DMD: variants seen among roughly 807,000 people sequenced by gnomAD.
DMD encodes mutant dystrophin.
In DMD, 63 loss-of-function variants were observed where a neutral mutation model predicts 330.1. The observed-to-expected ratio is 0.19, with a 90% CI of 0.16 to 0.24. The LOEUF is 0.24. Ranked by LOEUF, DMD falls within the 10% of genes least tolerant of loss-of-function variation. The pLI is 1.00. For missense variants in DMD, 3,344 were observed against 2,684.1 expected (o/e 1.25, Z -5.43); for synonymous variants, 1,223 against 959.8 (o/e 1.27, Z -5.07).
chrX:31,782,402 A>T (rs186591418), intron 50 of DMD, among the ~76,000 whole-genome samples: 2 of 111,123 alleles, frequency 1.8e-5, no homozygotes, highest in African/African-American at 6.5e-5. Context: ...TAGCCTGATG[A>T]ATAATTACAG....
chrX:32,082,391 GCTATCTAT>G (rs74475298), intron 44 of DMD, among the ~76,000 whole-genome samples: 2,214 of 95,300 alleles, frequency 0.023, 67 homozygotes, highest in African/African-American at 0.068. Flanking sequence ...ACCTCGCCCG[GCTATCTAT>G]CTATCTATCT....
At chrX:33,254,462 T>C (rs1206120094) in intron 1 of DMD, among the ~76,000 whole-genome samples, 1 of 110,782 alleles carries the variant, frequency 9.0e-6, no homozygotes, top group African/African-American at 3.3e-5. Flanking sequence ...AATTTTTGAA[T>C]GTGTCTTAGA....
intron 44 of DMD, among the ~76,000 whole-genome samples, chrX:32,079,101 T>C (rs1198829950): frequency 8.9e-6 from 1 of 112,217 alleles, no homozygotes; most frequent in East Asian, 2.8e-4. Flanking sequence ...ACTGAGTTTC[T>C]ACCAGGTGTA....
At chrX:31,383,054 T>C in intron 60 of DMD, among the ~76,000 whole-genome samples, 2 of 109,318 alleles carry the variant, frequency 1.8e-5, no homozygotes, top group Non-Finnish European at 3.8e-5. Context: ...ACTGATGACA[T>C]TCCACCACAA....
At chrX:32,631,820 C>A (rs771761027) in intron 11 of DMD, among the ~76,000 whole-genome samples, 4 of 111,466 alleles carry the variant, frequency 3.6e-5, no homozygotes, top group Non-Finnish European at 7.5e-5. Context: ...TCGGCTCCCA[C>A]CCAGGCCCCA....
intron 59 of DMD, among the ~76,000 whole-genome samples, chrX:31,450,460 C>T (rs887695496): frequency 8.9e-6 from 1 of 112,314 alleles, no homozygotes; most frequent in Non-Finnish European, 1.9e-5. Context: ...TACTCAAATG[C>T]TGTTGAAACA....
intron 9 of DMD, 147 bp downstream of exon 9, chrX:32,697,723 T>C: frequency 1.4e-6 from 1 of 726,570 alleles, no homozygotes; most frequent in South Asian, 2.4e-5. Flanking sequence ...CAGAATCACA[T>C]GAGGGAATCA....
At chrX:31,556,764 A>C (rs1274223221) in intron 55 of DMD, among the ~76,000 whole-genome samples, 1 of 112,385 alleles carries the variant, frequency 8.9e-6, no homozygotes, top group East Asian at 2.8e-4. Context: ...TTTAGATCTA[A>C]AGTGTCATTG....
In DMD at chrX:31,222,403, A is replaced by AC. The variant is rs1242113410; in HGVS notation, c.9361+643_9361+644insG. On this transcript the variant is annotated intron_variant, in intron 64 of 78. Coordinates refer to ENST00000357033, the MANE Select transcript of DMD (RefSeq NM_004006.3). ...GCAAGACTCCATCTCAAAAAAAAAA[A>AC]AAAAAAAAAAAAAACAGAAAAAAAG... is the stretch of plus-strand genomic sequence containing the variant. 3.8e-5 allele frequency among the ~76,000 whole-genome samples: 4 copies of AC among 105,785 alleles called. No homozygotes were observed. In the East Asian group the frequency reaches 1.2e-3, roughly 31 times the overall value. The allele number at this position is 105,785 out of a possible 115,157, so 91.9% of individuals were successfully genotyped here. A position where few individuals can be genotyped will look rare whatever the true frequency, so the allele number is the denominator to read the frequency against.
chrX:31,476,397 G>GTA (rs373498710), intron 59 of DMD, among the ~76,000 whole-genome samples: 7,775 of 88,007 alleles, frequency 0.088, 383 homozygotes, highest in African/African-American at 0.14. Context: ...GTGTGTGTGT[G>GTA]TATATATATA....
chrX:32,241,847 A>C (rs1053643208), intron 43 of DMD, among the ~76,000 whole-genome samples: 20 of 110,993 alleles, frequency 1.8e-4, no homozygotes, highest in Non-Finnish European at 3.8e-5. Flanking sequence ...ATCATTTTGC[A>C]TTGGTTTTTA....
rs180677368 is a variant in DMD, at chrX:32,623,334, G to T, written c.1332-8881C>A. 8.1e-5 allele frequency among the ~76,000 whole-genome samples: 9 copies of T among 111,167 alleles called. 1 individual carries two copies. Among genetic ancestry groups the T allele is most frequent in the Non-Finnish European group, 1.5e-4 (8 of 53,017 alleles). ...TTGAAGGAGGCACTGATATCAGAAG[G>T]TGAGTTTAACAGCCTTCATGACACA... is the stretch of plus-strand genomic sequence containing the variant. On this transcript the variant is annotated intron_variant, in intron 11 of 78. Transcript: ENST00000357033.
At chrX:32,940,189 C>T (rs966632462) in intron 2 of DMD, among the ~76,000 whole-genome samples, 11 of 111,735 alleles carry the variant, frequency 9.8e-5, no homozygotes, top group African/African-American at 3.6e-4. Context: ...TGAATAAGTT[C>T]TGGAGATCTA....
At chrX:32,907,883 A>C (rs2086856165) in intron 2 of DMD, among the ~76,000 whole-genome samples, 1 of 111,921 alleles carries the variant, frequency 8.9e-6, no homozygotes, top group South Asian at 3.7e-4. Flanking sequence ...AAGGTTCATA[A>C]GAACATAGCT....
intron 59 of DMD, among the ~76,000 whole-genome samples, chrX:31,469,837 G>A (rs1250141193): frequency 9.0e-6 from 1 of 111,488 alleles, no homozygotes; most frequent in Non-Finnish European, 1.9e-5. Flanking sequence ...TTTTCACATC[G>A]TCCCATATTT....
chrX:31,915,059 T>C (rs2094592223), intron 47 of DMD, among the ~76,000 whole-genome samples: 1 of 111,771 alleles, frequency 8.9e-6, no homozygotes, highest in Admixed American at 9.5e-5. Context: ...AAAGAGAGAA[T>C]TGGTTGTGGT....
chrX:32,223,131 C>G, intron 43 of DMD, among the ~76,000 whole-genome samples: 1 of 111,517 alleles, frequency 9.0e-6, no homozygotes, highest in Non-Finnish European at 1.9e-5. Context: ...AACAAAATGC[C>G]TGAGACTGGG....
chrX:31,763,552 G>A (rs1229185315), intron 51 of DMD, among the ~76,000 whole-genome samples: 2 of 111,034 alleles, frequency 1.8e-5, no homozygotes, highest in Non-Finnish European at 3.8e-5. Flanking sequence ...AACAGTGCGA[G>A]ACTCCATCTC....
chrX:31,462,278 A>T (rs1185043255), intron 59 of DMD, among the ~76,000 whole-genome samples: 3 of 110,892 alleles, frequency 2.7e-5, no homozygotes, highest in African/African-American at 9.8e-5. Flanking sequence ...TCAGGAGTTC[A>T]AGACCAGCCT....
Sources: allele counts gnomAD v4.1 joint callset (sites outside exome capture counted in the v4.1 genomes callset), GRCh38; gene constraint gnomAD v4.1.1; transcripts MANE v1.5; gene names NCBI Gene and HGNC (gene_info 2026-07-23, HGNC 2026-07-21).